Variants in TIMM23B observed in about 807,000 individuals in gnomAD.
The protein encoded by TIMM23B is translocase of inner mitochondrial membrane 23 homolog B, also known as mitochondrial import inner membrane translocase subunit Tim23B.
Under a neutral mutation model 27.3 loss-of-function variants are expected in TIMM23B, and 27 were observed. That is an observed-to-expected ratio of 0.99 (90% CI 0.73 to 1.36). The LOEUF is 1.36. TIMM23B is among the 40% of genes most tolerant of loss of function. The pLI, the probability that TIMM23B is intolerant of heterozygous loss-of-function variation, is 0.00. For synonymous variants in TIMM23B, 73 were observed against 92.4 expected (o/e 0.79, Z 1.21); for missense variants, 205 against 244.2 (o/e 0.84, Z 1.07).
chr10:49,950,110 TGAACATCTGGTACAAAAATAA>T (rs2133058824), intron 2 of TIMM23B, among the ~76,000 whole-genome samples: 1 of 152,158 alleles, frequency 6.6e-6, no homozygotes, highest in Non-Finnish European at 1.5e-5. Flanking sequence ...TTAGCCCAGG[TGAACATCTGGTACAAAAATAA>T]GGAAAATTTA....
chr10:49,947,107 A>G (rs1839376887), intron 2 of TIMM23B, among the ~76,000 whole-genome samples: 2 of 152,236 alleles, frequency 1.3e-5, no homozygotes, highest in Non-Finnish European at 2.9e-5. Context: ...CCTGCACCAT[A>G]TGCAAAATGT....
At chr10:49,943,564 C>T (rs1479471532) in intron 1 of TIMM23B, among the ~76,000 whole-genome samples, 2 of 151,798 alleles carry the variant, frequency 1.3e-5, no homozygotes, top group Non-Finnish European at 2.9e-5. Flanking sequence ...CTTAGTATTT[C>T]TGAGTTTCAG....
chr10:49,954,302 C>G (rs1442364117), intron 4 of TIMM23B: 11 of 453,916 alleles, frequency 2.4e-5, no homozygotes, highest in Admixed American at 1.9e-4. Flanking sequence ...ATCCAGTTGC[C>G]TCCATCACTG....
At chr10:49,963,686 C>A (rs1277914927) in intron 6 of TIMM23B, among the ~76,000 whole-genome samples, 14 of 152,074 alleles carry the variant, frequency 9.2e-5, no homozygotes, top group African/African-American at 3.4e-4. Flanking sequence ...ATACGAAATA[C>A]TGGGTGCGGT....
In TIMM23B at chr10:49,948,067, G is replaced by A. The variant is rs1235552845; in HGVS notation, c.165+2977G>A. Among the ~76,000 whole-genome samples, 36 of 152,214 alleles carry A rather than the reference G, an allele frequency of 2.4e-4. No individual in the cohort carries two copies. In the East Asian group the frequency reaches 6.7e-3, roughly 29 times the overall value. ...ATTAATAAAAATAATTACAAAATGGGCAAAGGATTTGAGTAGACATTTCTC... is the reference window on the plus strand; with the variant it reads ...ATTAATAAAAATAATTACAAAATGGACAAAGGATTTGAGTAGACATTTCTC... On this transcript the variant is annotated intron_variant, in intron 2 of 6. Coordinates refer to ENST00000651259, the MANE Select transcript of TIMM23B (RefSeq NM_001290117.2).
At chr10:49,962,315 G>C in intron 6 of TIMM23B, among the ~76,000 whole-genome samples, 1 of 151,396 alleles carries the variant, frequency 6.6e-6, no homozygotes, top group Non-Finnish European at 1.5e-5. Flanking sequence ...CGATTCTCCT[G>C]CCTCAGCTTC....
At chr10:49,945,546 A>G (rs1258716993) in intron 2 of TIMM23B, among the ~76,000 whole-genome samples, 1 of 152,084 alleles carries the variant, frequency 6.6e-6, no homozygotes, top group Non-Finnish European at 1.5e-5. Context: ...ACGCCTGGCT[A>G]ATTTTTGTGT....
chr10:49,969,398 CT>C (rs372252764), intron 6 of TIMM23B, among the ~76,000 whole-genome samples: 224 of 139,526 alleles, frequency 1.6e-3, no homozygotes, highest in South Asian at 6.7e-3. Context: ...CATTGTGCCA[CT>C]GCACTCTAGC....
chr10:49,951,043 A>G (rs1417789510), intron 2 of TIMM23B, among the ~76,000 whole-genome samples: 3 of 152,190 alleles, frequency 2.0e-5, no homozygotes, highest in Non-Finnish European at 4.4e-5. Context: ...ATAAAACTCT[A>G]TACAATTATA....
chr10:49,963,171 C>CGATAG (rs1308331553), intron 6 of TIMM23B, among the ~76,000 whole-genome samples: 1 of 151,918 alleles, frequency 6.6e-6, no homozygotes, highest in Non-Finnish European at 1.5e-5. Context: ...CCAGCCTGGG[C>CGATAG]GATAGAGCGA....
chr10:49,962,235 GCT>G (rs1295175488), intron 6 of TIMM23B, among the ~76,000 whole-genome samples: 52 of 139,432 alleles, frequency 3.7e-4, no homozygotes, highest in Non-Finnish European at 1.4e-4. Context: ...ACGGAGTTTT[GCT>G]CTGTCGCCAG....
chr10:49,965,162 G>A (rs538583031), intron 6 of TIMM23B, among the ~76,000 whole-genome samples: 1 of 151,702 alleles, frequency 6.6e-6, no homozygotes, highest in East Asian at 2.0e-4. Flanking sequence ...AGAGGTTGCG[G>A]TGAGCAGAGA....
At chr10:49,964,939 T>C (rs1338618256) in intron 6 of TIMM23B, among the ~76,000 whole-genome samples, 2 of 151,588 alleles carry the variant, frequency 1.3e-5, no homozygotes, top group Non-Finnish European at 2.9e-5. Context: ...GAACATGAAA[T>C]ACTGGGTGCA....
intron 6 of TIMM23B, among the ~76,000 whole-genome samples, chr10:49,969,712 GA>G (rs1403188734): frequency 6.6e-6 from 1 of 151,988 alleles, no homozygotes; most frequent in Non-Finnish European, 1.5e-5. Flanking sequence ...TATATACATA[GA>G]ATATTATTCT....
At chr10:49,957,508 G>A (rs1395891566) in intron 5 of TIMM23B, among the ~76,000 whole-genome samples, 12 of 151,952 alleles carry the variant, frequency 7.9e-5, no homozygotes, top group African/African-American at 2.4e-4. Flanking sequence ...TTCCCACCTC[G>A]GCCTCCCAGA....
At chr10:49,967,786 A>G (rs1274041123) in intron 6 of TIMM23B, among the ~76,000 whole-genome samples, 2 of 151,032 alleles carry the variant, frequency 1.3e-5, no homozygotes, top group Non-Finnish European at 3.0e-5. Context: ...TCTTAAGAAT[A>G]CATATAATAT....
intron 2 of TIMM23B, among the ~76,000 whole-genome samples, chr10:49,950,399 T>G (rs1839488565): frequency 6.6e-6 from 1 of 151,940 alleles, no homozygotes; most frequent in Non-Finnish European, 1.5e-5. Context: ...CAGCCTTGTT[T>G]GTGTGTGAAT....
chr10:49,944,891 A>G lies in TIMM23B; in HGVS notation c.107-141A>G, dbSNP rs1306657312. 4.8e-6 allele frequency: 4 copies of G among 833,884 alleles called. No individual in the cohort carries two copies. In the Admixed American group the frequency reaches 9.4e-5, roughly 20 times the overall value. The allele number at this position is 833,884 out of a possible 1,614,324, so 51.7% of individuals were successfully genotyped here. On this transcript the variant is annotated intron_variant, in intron 1 of 6. Coordinates refer to ENST00000651259, the MANE Select transcript of TIMM23B (RefSeq NM_001290117.2). ...TCAGCCCCCAAACTGACAGATAGGG[A>G]GGATAAAATGGGAAAAAATTTTCTG... is the stretch of plus-strand genomic sequence containing the variant.
intron 1 of TIMM23B, among the ~76,000 whole-genome samples, chr10:49,944,475 C>G (rs1310098299): frequency 2.6e-5 from 4 of 151,876 alleles, no homozygotes; most frequent in African/African-American, 7.3e-5. Flanking sequence ...CTGGCCCTCT[C>G]AAAGTTTGTG....
Sources: allele counts gnomAD v4.1 joint callset (sites outside exome capture counted in the v4.1 genomes callset), GRCh38; gene constraint gnomAD v4.1.1; transcripts MANE v1.5; gene names NCBI Gene and HGNC (gene_info 2026-07-23, HGNC 2026-07-21).